Variants in PLIN4 observed in about 807,000 individuals in gnomAD.
PLIN4 encodes the protein perilipin 4.
Under a neutral mutation model 52.4 loss-of-function variants are expected in PLIN4, and 57 were observed. That is an observed-to-expected ratio of 1.09 (90% CI 0.88 to 1.36). The LOEUF (loss-of-function observed/expected upper bound fraction) is 1.36. Among genes scored for constraint, PLIN4 ranks in the 40% most tolerant of loss-of-function variants. The probability of loss-of-function intolerance (pLI) is 0.00; values close to 1 mark genes in which losing one functional copy is unlikely to be tolerated. For missense variants in PLIN4, 1,757 were observed against 1,770.3 expected, an observed-to-expected ratio of 0.99 and a Z score of 0.13; for synonymous variants, 826 against 785.4, an observed-to-expected ratio of 1.05 and a Z score of -0.86.
intron 2 of PLIN4, among the ~76,000 whole-genome samples, chr19:4,517,913 G>A (rs1438690871): frequency 1.3e-5 from 2 of 152,200 alleles, no homozygotes; most frequent in Non-Finnish European, 2.9e-5. Context: ...TCGTCTACCC[G>A]ATCTCCAAAG....
At position 4,508,955 on chromosome 19, in the gene PLIN4, G is replaced by A. The variant is rs745981004; in HGVS notation, c.3515C>T (p.Ala1172Val). The part of the protein sequence containing the change: ...IFHPMNAEEQ[A>V]QLAASQPGPK... ...CCCAGGCTGGGAGGCAGCCAGCTGA[G>A]CTGGAAAGGAAGGCGCACCGCTCAG... The change falls in exon 6 of 8, where the codon GCT becomes GTT. Residue 1172 changes from alanine to valine, a missense_variant and splice_region_variant. Ala to Val is a moderately conservative substitution (Grantham distance 64, BLOSUM62 0). Transcript: ENST00000301286. 1 of 1,610,022 alleles carries A rather than the reference G, an allele frequency of 6.2e-7. No individual in the cohort carries two copies. Among genetic ancestry groups the A allele is most frequent in the East Asian group, 2.2e-5 (1 of 44,852 alleles).
chr19:4,505,591 C>T (rs1369817221), intron 6 of PLIN4, among the ~76,000 whole-genome samples: 1 of 152,164 alleles, frequency 6.6e-6, no homozygotes, highest in Non-Finnish European at 1.5e-5. Context: ...GGCAGGGGAA[C>T]ACTCAGGACT....
intron 6 of PLIN4, among the ~76,000 whole-genome samples, chr19:4,507,408 C>CA (rs965690936): frequency 6.6e-6 from 1 of 152,204 alleles, no homozygotes; most frequent in Non-Finnish European, 1.5e-5. Flanking sequence ...CCCATCTCTA[C>CA]AAAAAATTTA....
intron 4 of PLIN4, among the ~76,000 whole-genome samples, chr19:4,515,243 C>T (rs928819499): frequency 2.1e-4 from 32 of 151,766 alleles, no homozygotes; most frequent in African/African-American, 7.3e-4. Flanking sequence ...TTCTAACTCT[C>T]GGGTGTACCT....
At position 4,504,400 on chromosome 19, in the gene PLIN4, G is replaced by A. The variant is rs1976019590; in HGVS notation, c.*59C>T. On this transcript the variant is annotated 3_prime_UTR_variant, in exon 8 of 8. Transcript: ENST00000301286. ...TTTGGGGGCGGGGAGAAAGTTCTGA[G>A]GCAGCTCCTCCCTGGACAGAGCAGG... 1 of 1,407,904 alleles carries A rather than the reference G, an allele frequency of 7.1e-7. No homozygotes were observed. The highest frequency in any genetic ancestry group is 9.3e-7 in the Non-Finnish European group (1 of 1,069,860). The allele number at this position is 1,407,904 out of a possible 1,614,324, so 87.2% of individuals were successfully genotyped here.
chr19:4,509,765 C>T (rs1976228628), intron 5 of PLIN4, among the ~76,000 whole-genome samples: 1 of 151,658 alleles, frequency 6.6e-6, no homozygotes, highest in Non-Finnish European at 1.5e-5. Context: ...CATAGAGAGA[C>T]AAAAAACATA....
intron 3 of PLIN4, 88 bp from the exon 4 acceptor site, chr19:4,516,766 C>G (rs998356342): frequency 1.5e-6 from 2 of 1,298,636 alleles, no homozygotes; most frequent in Middle Eastern, 1.9e-4. Flanking sequence ...CCAGGCACAG[C>G]CTAAAAGGTC....
At chr19:4,516,000 C>T (rs984293101) in intron 4 of PLIN4, among the ~76,000 whole-genome samples, 3 of 150,650 alleles carry the variant, frequency 2.0e-5, no homozygotes, top group Non-Finnish European at 4.4e-5. Context: ...TCTTGCCAGG[C>T]GCAGTGGCTA....
chr19:4,514,980 A>G (rs1976548002), intron 4 of PLIN4, among the ~76,000 whole-genome samples: 2 of 151,898 alleles, frequency 1.3e-5, no homozygotes, highest in South Asian at 4.2e-4. Flanking sequence ...GTTCGAGACC[A>G]GCCTGACCAA....
rs1276004302 is a variant in PLIN4 at position 4,509,416 on chromosome 19, A to T, written c.3515-461T>A. On this transcript the variant is annotated intron_variant, in intron 5 of 7. Transcript: ENST00000301286. ...TGGATCACCTGGGATCAGGAGCTCG[A>T]GACCAGCCTGGCCAACATGGTGAAA... is the stretch of plus-strand genomic sequence containing the variant. Among the ~76,000 whole-genome samples, 10 of 151,030 alleles carry T rather than the reference A, an allele frequency of 6.6e-5. No homozygotes were observed. The Admixed American group carries it at 6.7e-4, about 10-fold the overall frequency.
At position 4,510,712 on chromosome 19, in the gene PLIN4, C is replaced by A. The variant is rs1273944648; in HGVS notation, c.3248G>T (p.Ser1083Ile). The A allele has an allele frequency of 6.5e-7, 1 of 1,535,636 alleles. No individual in the cohort carries two copies. Among genetic ancestry groups the A allele is most frequent in the East Asian group, 2.3e-5 (1 of 44,256 alleles). Reference sequence around the variant, plus strand: ...GCCAGAGAACGGGGCCTCTTGGGGGCTCAGGGCAGTCTGCTCCCCACCATT... The same window carrying A: ...GCCAGAGAACGGGGCCTCTTGGGGGATCAGGGCAGTCTGCTCCCCACCATT... ...TDNGGEQTAL[S>I]PQEAPFSGIS... Residue 1083 changes from serine (S) to isoleucine (I), a missense_variant, in exon 5 of 8, where the codon AGC becomes ATC. Ser to Ile is a moderately radical substitution (Grantham distance 142). Transcript: ENST00000301286.
At chr19:4,507,434 G>C (rs989449235) in intron 6 of PLIN4, among the ~76,000 whole-genome samples, 1 of 152,234 alleles carries the variant, frequency 6.6e-6, no homozygotes, top group South Asian at 2.1e-4. Context: ...GTTTGGTAGT[G>C]TGCACCCAGA....
rs1976010205 is a variant in PLIN4, at chr19:4,504,062, G to A, written c.*397C>T. 5.7e-6 allele frequency: 1 copy of A among 174,190 alleles called. No individual in the cohort carries two copies. The highest frequency in any genetic ancestry group is 2.4e-5 in the African/African-American group (1 of 42,214). 10.8% of individuals were successfully genotyped at this position (174,190 alleles called of 1,614,324 possible). A position where few individuals can be genotyped will look rare whatever the true frequency, so the allele number is the denominator to read the frequency against. ...AGCTGGGGGCCCGTGCTGCAGGACT[G>A]GAAGAGCCCTGCTAGATATAAAAGG... is the stretch of plus-strand genomic sequence containing the variant. On this transcript the variant is annotated 3_prime_UTR_variant, in exon 8 of 8. Coordinates refer to ENST00000301286, the MANE Select transcript of PLIN4 (RefSeq NM_001367868.2).
chr19:4,505,607 C>T (rs1976068967), intron 6 of PLIN4, among the ~76,000 whole-genome samples: 1 of 152,156 alleles, frequency 6.6e-6, no homozygotes, highest in African/African-American at 2.4e-5. Context: ...GGACTCTGTC[C>T]TCGTTGTTGC....
chr19:4,515,460 G>A (rs1976560721), intron 4 of PLIN4, among the ~76,000 whole-genome samples: 1 of 151,936 alleles, frequency 6.6e-6, no homozygotes, highest in African/African-American at 2.4e-5. Flanking sequence ...GTAGAGATGA[G>A]GTTTCACCAT....
At position 4,513,667 on chromosome 19, in the gene PLIN4, T is replaced by C. The variant is rs756131976; in HGVS notation, c.293A>G (p.Lys98Arg). Residue 98 changes from lysine to arginine, a missense_variant, in exon 5 of 8, where the codon AAG becomes AGG. Physicochemically the swap from Lys to Arg is conservative, Grantham distance 26. This residue lies in a region of PLIN4 where 332 missense variants were observed against 310.8 expected (regional missense o/e 1.07). Coordinates refer to ENST00000301286, the MANE Select transcript of PLIN4 (RefSeq NM_001367868.2). Reference sequence around the variant, plus strand: ...CACGGCATCCTTGGCCCTGGACATCTTGGAACACACCAGGTCTTTGGCCCC... The same window carrying C: ...CACGGCATCCTTGGCCCTGGACATCCTGGAACACACCAGGTCTTTGGCCCC... ...VSGAKDLVCS[K>R]MSRAKDAVSS... 6.3e-7 allele frequency: 1 copy of C among 1,599,140 alleles called. No homozygotes were observed. Among genetic ancestry groups the C allele is most frequent in the Admixed American group, 1.7e-5 (1 of 58,276 alleles).
Position 4,513,198 on chromosome 19 carries a change from C to A in PLIN4, c.762G>T (p.Gln254His), listed in dbSNP as rs139428264. Residue 254 changes from glutamine to histidine, a missense_variant, in exon 5 of 8, where the codon CAG becomes CAT. Gln to His is a conservative substitution (Grantham distance 24). This residue lies in a region of PLIN4 where 99 missense variants were observed against 143.4 expected (regional missense o/e 0.69). Coordinates refer to ENST00000301286, the MANE Select transcript of PLIN4 (RefSeq NM_001367868.2). ...CAGTCTTACTGGTGTCCACACCGGT[C>A]TGAATGCTTCCTCTGGCCACATTCA... Reference protein sequence around the residue: ...GAVNVARGSIQTGVDTSKTVL... With the variant: ...GAVNVARGSIHTGVDTSKTVL... 30 of 1,613,318 alleles carry A rather than the reference C, an allele frequency of 1.9e-5. 1 individual carries two copies. In the African/African-American group the frequency reaches 3.5e-4, roughly 19 times the overall value.
chr19:4,511,927 G>T lies in PLIN4; in HGVS notation c.2033C>A (p.Ala678Asp). ...TACACCTGTCTGGGCAGCCCCTTTG[G>T]CCACATTCACAGCACTGGTCACCCC... ...GSGVTSAVNV[A>D]KGAAQTGVDT... Residue 678 changes from alanine (A) to aspartate (D), a missense_variant, in exon 5 of 8, where the codon GCC becomes GAC. Ala to Asp is a moderately radical substitution (Grantham distance 126). This residue lies in a region of PLIN4 where 439 missense variants were observed against 406.4 expected (regional missense o/e 1.08). Transcript: ENST00000301286. 6.3e-7 allele frequency: 1 copy of T among 1,598,398 alleles called. No individual in the cohort carries two copies. Among genetic ancestry groups the T allele is most frequent in the Non-Finnish European group, 8.6e-7 (1 of 1,169,300 alleles).
At chr19:4,508,734 TG>T in intron 6 of PLIN4, 33 bp downstream of exon 6, 1 of 1,542,506 alleles carries the variant, frequency 6.5e-7, no homozygotes, top group Non-Finnish European at 8.8e-7. Flanking sequence ...AGAAGTGCCC[TG>T]GGGACGGGGC....
Sources: gnomAD v4.1 joint callset for allele counts (sites outside exome capture counted in the v4.1 genomes callset) on GRCh38, gnomAD v4.1.1 for gene constraint, gnomAD v4.1.1 regional missense constraint, MANE v1.5 for transcripts, NCBI Gene and HGNC (gene_info 2026-07-23, HGNC 2026-07-21) for gene names.